PPP2R1A: variants seen among roughly 807,000 people sequenced by gnomAD.
The protein encoded by PPP2R1A is protein phosphatase 2 scaffold subunit Aalpha, also known as serine/threonine-protein phosphatase 2A 65 kDa regulatory subunit A alpha isoform.
In PPP2R1A, 15 loss-of-function variants were observed where a neutral mutation model predicts 67.1. The observed-to-expected ratio is 0.22, with a 90% CI of 0.15 to 0.34. PPP2R1A has a LOEUF of 0.34. Among genes scored for constraint, PPP2R1A ranks in the 10% least tolerant of loss-of-function variants. The pLI, the probability that PPP2R1A is intolerant of heterozygous loss-of-function variation, is 1.00. For synonymous variants in PPP2R1A, 337 were observed against 325.0 expected (o/e 1.04, Z -0.40); for missense variants, 369 against 775.0 (o/e 0.48, Z 6.22).
At chr19:52,225,918 A>G (rs371802131) in intron 14 of PPP2R1A, 47 bp from the exon 15 acceptor site, 1 of 1,614,214 alleles carries the variant, frequency 6.2e-7, no homozygotes, top group Non-Finnish European at 8.5e-7. Context: ...CATTGTGGGC[A>G]GAGAGAGGGC....
intron 2 of PPP2R1A, among the ~76,000 whole-genome samples, chr19:52,205,146 C>T (rs1269211671): frequency 1.3e-5 from 2 of 152,196 alleles, no homozygotes; most frequent in Non-Finnish European, 2.9e-5. Context: ...TTGCCATACA[C>T]CCAACTTAAA....
At chr19:52,203,510 G>C (rs1049559426) in intron 2 of PPP2R1A, among the ~76,000 whole-genome samples, 1 of 152,156 alleles carries the variant, frequency 6.6e-6, no homozygotes, top group Non-Finnish European at 1.5e-5. Flanking sequence ...CATTTCCCTT[G>C]TCTGTAAAGG....
intron 2 of PPP2R1A, among the ~76,000 whole-genome samples, chr19:52,203,775 C>G (rs923835513): frequency 6.6e-6 from 1 of 152,226 alleles, no homozygotes; most frequent in Non-Finnish European, 1.5e-5. Flanking sequence ...CCCTGACCAC[C>G]AGTCGCTGGT....
chr19:52,220,959 T>C lies in PPP2R1A; in HGVS notation c.1364-20T>C. The C allele has an allele frequency of 6.2e-7, 1 of 1,613,776 alleles. No homozygotes were observed. Among genetic ancestry groups the C allele is most frequent in the South Asian group, 1.1e-5 (1 of 91,072 alleles). On this transcript the variant is annotated intron_variant, in intron 11 of 14. Coordinates refer to ENST00000322088, the MANE Select transcript of PPP2R1A (RefSeq NM_014225.6). ...CTTCACCTCCAAATCCCTGTCTCTC[T>C]CACCCTCACCCTTCTGCAGTATATG...
chr19:52,192,622 G>GT (rs1016614020), intron 1 of PPP2R1A, among the ~76,000 whole-genome samples: 13 of 151,800 alleles, frequency 8.6e-5, no homozygotes, highest in Non-Finnish European at 1.3e-4. Flanking sequence ...CCAGTTTTTT[G>GT]TTTTTTTTAA....
chr19:52,220,681 G>A (rs535929727), intron 11 of PPP2R1A, among the ~76,000 whole-genome samples: 15 of 152,190 alleles, frequency 9.9e-5, no homozygotes, highest in African/African-American at 3.6e-4. Context: ...GTGAAGCCCT[G>A]TTTGAAGTAA....
intron 3 of PPP2R1A, among the ~76,000 whole-genome samples, chr19:52,208,908 A>C (rs1342365777): frequency 1.3e-5 from 2 of 152,104 alleles, no homozygotes; most frequent in Non-Finnish European, 2.9e-5. Flanking sequence ...ACTCTTCCCT[A>C]CCCTGTGTGG....
intron 13 of PPP2R1A, 62 bp from the exon 14 acceptor site, chr19:52,225,655 C>A (rs560629071): frequency 2.0e-6 from 3 of 1,493,794 alleles, no homozygotes; most frequent in East Asian, 4.5e-5. Flanking sequence ...GCCCTGTGCC[C>A]ACCTGTTGCC....
intron 13 of PPP2R1A, 83 bp from the exon 14 acceptor site, chr19:52,225,634 C>G (rs1023645475): frequency 7.0e-6 from 9 of 1,291,212 alleles, no homozygotes; most frequent in Non-Finnish European, 1.0e-5. Flanking sequence ...TGTACACTCT[C>G]TTGCCCAAGA....
At position 52,212,951 on chromosome 19, in the gene PPP2R1A, C is replaced by G. The variant is rs765444755; in HGVS notation, c.652-4C>G. ...CCCTCCCACTGTTCCTCTCCTCTCC[C>G]TAGGACTCGGTGCGGCTGCTGGCGG... On this transcript the variant is annotated splice_polypyrimidine_tract_variant and splice_region_variant and intron_variant, in intron 5 of 14. Transcript: ENST00000322088. This position sits in a 1 kb window ranked among gnomAD's most constrained non-coding sequence, Gnocchi z 4.1. 1.0e-5 allele frequency: 16 copies of G among 1,592,632 alleles called. No homozygotes were observed. Among genetic ancestry groups the G allele is most frequent in the Non-Finnish European group, 1.4e-5 (16 of 1,169,658 alleles).
intron 1 of PPP2R1A, among the ~76,000 whole-genome samples, chr19:52,198,283 T>G (rs2089514732): frequency 6.6e-6 from 1 of 152,156 alleles, no homozygotes; most frequent in Non-Finnish European, 1.5e-5. Flanking sequence ...TCTCAAGCAT[T>G]GATGATGCTG....
intron 1 of PPP2R1A, among the ~76,000 whole-genome samples, chr19:52,190,888 G>C (rs1171078868): frequency 6.6e-6 from 1 of 152,168 alleles, no homozygotes; most frequent in Non-Finnish European, 1.5e-5. Context: ...GACAGTCTCT[G>C]TGTCGCCCAG....
At chr19:52,224,242 T>C (rs937212147) in intron 13 of PPP2R1A, among the ~76,000 whole-genome samples, 5 of 151,940 alleles carry the variant, frequency 3.3e-5, no homozygotes, top group African/African-American at 1.2e-4. Flanking sequence ...GATTTCTCTT[T>C]CTGTCTGTTC....
chr19:52,221,739 T>C (rs1600173444), intron 12 of PPP2R1A, among the ~76,000 whole-genome samples: 2 of 152,298 alleles, frequency 1.3e-5, no homozygotes, highest in Middle Eastern at 3.4e-3. Flanking sequence ...TACTTATTTA[T>C]GTGTAAACCA....
Position 52,226,473 on chromosome 19 carries a change from C to T in PPP2R1A, c.*492C>T, listed in dbSNP as rs911564965. The T allele has an allele frequency of 4.1e-6, 1 of 244,650 alleles. No individual in the cohort carries two copies. The highest frequency in any genetic ancestry group is 2.2e-5 in the African/African-American group (1 of 45,396). 15.2% of individuals were successfully genotyped at this position (244,650 alleles called of 1,614,324 possible). ...GGAGGAGGGGGCACCACCCCAGAGCCACAACATCTGCGCTTTTCTCTGGAG... is the reference window on the plus strand; with the variant it reads ...GGAGGAGGGGGCACCACCCCAGAGCTACAACATCTGCGCTTTTCTCTGGAG... On this transcript the variant is annotated 3_prime_UTR_variant, in exon 15 of 15. Coordinates refer to ENST00000322088, the MANE Select transcript of PPP2R1A (RefSeq NM_014225.6).
In PPP2R1A at chr19:52,219,086, G is replaced by A. The variant is rs1978758356; in HGVS notation, c.1129-605G>A. ...AAATAAGTCTTTTTAAATGGGTGAG[G>A]TATAGTCTCTGAGCCTTCTCTTCTC... On this transcript the variant is annotated intron_variant, in intron 9 of 14. Transcript: ENST00000322088. The surrounding 1 kb of genome is among the most constrained non-coding windows in gnomAD (Gnocchi z 4.0). Among the ~76,000 whole-genome samples the A allele has an allele frequency of 6.6e-6, 1 of 152,172 alleles. No homozygotes were observed. Among genetic ancestry groups the A allele is most frequent in the Non-Finnish European group, 1.5e-5 (1 of 68,038 alleles).
Position 52,215,823 on chromosome 19 carries a change from C to A in PPP2R1A, c.852C>A (p.Val284=). The change falls in exon 7 of 15, where the codon GTC becomes GTA. Residue 284 remains valine, a synonymous_variant. Coordinates refer to ENST00000322088, the MANE Select transcript of PPP2R1A (RefSeq NM_014225.6). ...VGPEITKTDL[V]PAFQNLMKDC... is the part of the protein sequence containing the mutation. ...CTGAGATCACCAAGACAGACCTGGT[C>A]CCTGCCTTCCAGAACCTGATGAAAG... 6.2e-7 allele frequency: 1 copy of A among 1,614,058 alleles called. No homozygotes were observed. Among genetic ancestry groups the A allele is most frequent in the Non-Finnish European group, 8.5e-7 (1 of 1,179,938 alleles).
In PPP2R1A at chr19:52,213,532, G is replaced by C. The variant is rs1377215199; in HGVS notation, c.807+422G>C. Among the ~76,000 whole-genome samples the C allele has an allele frequency of 1.4e-5, 2 of 144,296 alleles. No individual in the cohort carries two copies. The highest frequency in any genetic ancestry group is 3.0e-5 in the Non-Finnish European group (2 of 66,932). The allele number at this position is 144,296 out of a possible 152,430, so 94.7% of individuals were successfully genotyped here. On this transcript the variant is annotated intron_variant, in intron 6 of 14. Transcript: ENST00000322088. This position sits in a 1 kb window ranked among gnomAD's most constrained non-coding sequence, Gnocchi z 4.2. ...AGGCTAGAGTCTTGTTACCCAGCTG[G>C]AGTGTGGTGGCGCAATCTTGGCTCA...
intron 9 of PPP2R1A, among the ~76,000 whole-genome samples, chr19:52,217,562 C>T (rs1018841263): frequency 1.3e-5 from 2 of 152,088 alleles, no homozygotes; most frequent in Non-Finnish European, 2.9e-5. Context: ...ACAGGCAGTC[C>T]CATGATGCCA....
Sources: gnomAD v4.1 joint callset for allele counts (sites outside exome capture counted in the v4.1 genomes callset) on GRCh38, gnomAD v4.1.1 for gene constraint, Gnocchi (gnomAD v3.1) non-coding constraint, MANE v1.5 for transcripts, NCBI Gene and HGNC (gene_info 2026-07-23, HGNC 2026-07-21) for gene names.